PLXNC1: variants seen among roughly 807,000 people sequenced by gnomAD.
PLXNC1 encodes the protein plexin C1.
A neutral mutation model predicts 178.2 loss-of-function variants in PLXNC1; 75 were observed. The observed-to-expected ratio is 0.42, with a 90% CI of 0.35 to 0.51. The LOEUF (loss-of-function observed/expected upper bound fraction) is 0.51, where lower values mean the gene tolerates loss of function less well. Among genes scored for constraint, PLXNC1 ranks in the 20% least tolerant of loss-of-function variants. The probability of loss-of-function intolerance (pLI) is 0.02; values close to 1 mark genes in which losing one functional copy is unlikely to be tolerated. For missense variants in PLXNC1, 1,503 were observed against 1,984.4 expected (o/e 0.76, Z 4.61); for synonymous variants, 790 against 779.9 (o/e 1.01, Z -0.22).
At chr12:94,195,025 G>T (rs568707872) in intron 4 of PLXNC1, among the ~76,000 whole-genome samples, 1 of 152,034 alleles carries the variant, frequency 6.6e-6, no homozygotes, top group Non-Finnish European at 1.5e-5. Context: ...AAGAATCAGC[G>T]CAGTGAGAGG....
Position 94,173,085 on chromosome 12 carries a change from G to A in PLXNC1, c.1203+3792G>A, listed in dbSNP as rs73362802. Among the ~76,000 whole-genome samples the A allele has an allele frequency of 7.9e-3, 1,202 of 152,142 alleles. 11 individuals carry two copies. The highest frequency in any genetic ancestry group is 0.027 in the African/African-American group (1,128 of 41,472). On this transcript the variant is annotated intron_variant, in intron 2 of 30. Coordinates refer to ENST00000258526, the MANE Select transcript of PLXNC1 (RefSeq NM_005761.3). ...TTATTTCCCCATCCTGCTTCTTTTC[G>A]GAACATGATTGCATGCCGGGTTTTT...
chr12:94,284,074 C>T (rs907062627), intron 23 of PLXNC1, among the ~76,000 whole-genome samples: 1 of 138,608 alleles, frequency 7.2e-6, no homozygotes, highest in South Asian at 2.2e-4. Flanking sequence ...CAGAGCAAGA[C>T]TCCATGTCAG....
chr12:94,224,636 G>T (rs537900583), intron 7 of PLXNC1, among the ~76,000 whole-genome samples: 5 of 152,172 alleles, frequency 3.3e-5, no homozygotes, highest in Non-Finnish European at 7.3e-5. Context: ...AGGTGTGGTG[G>T]CTCACATCTG....
chr12:94,226,816 G>C lies in PLXNC1; in HGVS notation c.1893+109G>C, dbSNP rs1008260056. On this transcript the variant is annotated intron_variant, in intron 8 of 30. Coordinates refer to ENST00000258526, the MANE Select transcript of PLXNC1 (RefSeq NM_005761.3). The stretch of plus-strand genomic sequence containing the variant: ...AGGCGGGTGGATCAATTGAGGTCAG[G>C]AGTTCGAGACCAGCCTGACCAACAT... 1.9e-5 allele frequency: 15 copies of C among 788,890 alleles called. No homozygotes were observed. The Middle Eastern group carries it at 1.5e-3, about 76-fold the overall frequency. The allele number at this position is 788,890 out of a possible 1,614,324, so 48.9% of individuals were successfully genotyped here. A position where few individuals can be genotyped will look rare whatever the true frequency, so the allele number is the denominator to read the frequency against.
Position 94,247,947 on chromosome 12 carries a change from C to T in PLXNC1, c.2433C>T (p.Pro811=), listed in dbSNP as rs992775799. ...CVATYCGFLA[P]SLKSSKVRTN... ...CGACTTACTGCGGGTTTTTAGCCCC[C>T]AGTTTAAAGAGTTCAAAAGTGCGCA... Residue 811 remains proline, a synonymous_variant, in exon 13 of 31, where the codon CCC becomes CCT. Coordinates refer to ENST00000258526, the MANE Select transcript of PLXNC1 (RefSeq NM_005761.3). 1 of 1,614,110 alleles carries T rather than the reference C, an allele frequency of 6.2e-7. No individual in the cohort carries two copies. Among genetic ancestry groups the T allele is most frequent in the African/African-American group, 1.3e-5 (1 of 75,022 alleles).
chr12:94,187,084 T>C (rs1592745731), intron 4 of PLXNC1, among the ~76,000 whole-genome samples: 1 of 151,890 alleles, frequency 6.6e-6, no homozygotes, highest in Non-Finnish European at 1.5e-5. Context: ...CCCGGCCTGG[T>C]TGGATTCGCC....
intron 21 of PLXNC1, among the ~76,000 whole-genome samples, chr12:94,274,634 C>T (rs1565847144): frequency 6.6e-6 from 1 of 152,244 alleles, no homozygotes; most frequent in Non-Finnish European, 1.5e-5. Context: ...CATTTCACAG[C>T]TCTTTAGCCT....
At chr12:94,265,050 C>G in intron 20 of PLXNC1, 29 bp from the exon 21 acceptor site, 1 of 1,610,666 alleles carries the variant, frequency 6.2e-7, no homozygotes, top group Non-Finnish European at 8.5e-7. Context: ...CCACAGAAAG[C>G]TAACTGTCAC....
At chr12:94,280,085 AGCCTGCTAGAAAGGTCATCTTCCTCT>A in intron 22 of PLXNC1, 1 of 334,704 alleles carries the variant, frequency 3.0e-6, no homozygotes, top group Non-Finnish European at 5.9e-6. Context: ...TGTTAACTCT[AGCCTGCTAGAAAGGTCATCTTCCTCT>A]GCTAATCACA....
intron 1 of PLXNC1, among the ~76,000 whole-genome samples, chr12:94,163,371 TA>T (rs1040686478): frequency 1.3e-5 from 2 of 151,540 alleles, no homozygotes; most frequent in African/African-American, 4.9e-5. Context: ...ATAATAATAA[TA>T]AAAAAAAGAA....
At chr12:94,166,713 T>C (rs1039249729) in intron 1 of PLXNC1, among the ~76,000 whole-genome samples, 2 of 152,002 alleles carry the variant, frequency 1.3e-5, no homozygotes, top group African/African-American at 4.8e-5. Context: ...AAACGAGTGC[T>C]GGGTGTTCTC....
At chr12:94,184,495 T>C (rs1299766601) in intron 3 of PLXNC1, among the ~76,000 whole-genome samples, 1 of 151,794 alleles carries the variant, frequency 6.6e-6, no homozygotes, top group Non-Finnish European at 1.5e-5. Context: ...TGATCTTGGC[T>C]CACTGCAACC....
rs187088168 is a variant in PLXNC1 at position 94,226,900 on chromosome 12, G to C, written c.1893+193G>C. Among the ~76,000 whole-genome samples, 5 of 152,260 alleles carry C rather than the reference G, an allele frequency of 3.3e-5. No individual in the cohort carries two copies. In the East Asian group the frequency reaches 7.7e-4, roughly 24 times the overall value. ...TAGTGGGGTGTGGTGGCGCATGCCT[G>C]TAATCCCAGCTACTCGGGAGGCTGA... On this transcript the variant is annotated intron_variant, in intron 8 of 30. Transcript: ENST00000258526.
Position 94,149,007 on chromosome 12 carries a change from C to T in PLXNC1, c.36C>T (p.Pro12=), listed in dbSNP as rs1298170682. Residue 12 remains proline, a synonymous_variant, in exon 1 of 31, where the codon CCC becomes CCT. Transcript: ENST00000258526. The part of the protein sequence containing the change: ...EVSRRKAPPR[P]PRPAAPLPLL... ...CCCGGAGGAAGGCGCCGCCGCGCCCCCCGCGCCCCGCAGCGCCACTGCCCC... is the reference window on the plus strand; with the variant it reads ...CCCGGAGGAAGGCGCCGCCGCGCCCTCCGCGCCCCGCAGCGCCACTGCCCC... The T allele has an allele frequency of 1.4e-6, 2 of 1,466,824 alleles. No homozygotes were observed. Among genetic ancestry groups the T allele is most frequent in the Admixed American group, 2.5e-5 (1 of 40,654 alleles). 90.9% of individuals were successfully genotyped at this position (1,466,824 alleles called of 1,614,324 possible).
intron 27 of PLXNC1, among the ~76,000 whole-genome samples, chr12:94,300,450 T>C (rs1417353413): frequency 6.6e-6 from 1 of 151,136 alleles, no homozygotes; most frequent in African/African-American, 2.4e-5. Context: ...AACAGGAGAG[T>C]TGGAATGAGC....
chr12:94,248,620 C>A (rs1344205907), intron 14 of PLXNC1, among the ~76,000 whole-genome samples: 1 of 152,204 alleles, frequency 6.6e-6, no homozygotes, highest in African/African-American at 2.4e-5. Context: ...AACGTCAAAG[C>A]GTTGGACACA....
chr12:94,247,945 C>G lies in PLXNC1; in HGVS notation c.2431C>G (p.Pro811Ala). 6.2e-7 allele frequency: 1 copy of G among 1,614,016 alleles called. No homozygotes were observed. The highest frequency in any genetic ancestry group is 8.5e-7 in the Non-Finnish European group (1 of 1,179,998). Residue 811 changes from proline (P) to alanine (A), a missense_variant, in exon 13 of 31, where the codon CCC becomes GCC. Coordinates refer to ENST00000258526, the MANE Select transcript of PLXNC1 (RefSeq NM_005761.3). The part of the protein sequence containing the change: ...CVATYCGFLA[P>A]SLKSSKVRTN... ...GGCGACTTACTGCGGGTTTTTAGCC[C>G]CCAGTTTAAAGAGTTCAAAAGTGCG...
rs1429505795 is a variant in PLXNC1 at position 94,247,966 on chromosome 12, G to T, written c.2452G>T (p.Val818Leu). ...FLAPSLKSSK[V>L]RTNVTVKLRV... ...AGCCCCCAGTTTAAAGAGTTCAAAA[G>T]TGCGCACGAATGTCACTGTGAAGCT... Residue 818 changes from valine (V) to leucine (L), a missense_variant, in exon 13 of 31, where the codon GTG becomes TTG. This residue lies in a region of PLXNC1 where 639 missense variants were observed against 979.7 expected (regional missense o/e 0.65). Coordinates refer to ENST00000258526, the MANE Select transcript of PLXNC1 (RefSeq NM_005761.3). 6.2e-7 allele frequency: 1 copy of T among 1,614,162 alleles called. No homozygotes were observed. Among genetic ancestry groups the T allele is most frequent in the East Asian group, 2.2e-5 (1 of 44,888 alleles).
chr12:94,184,276 C>T (rs1962431228), intron 3 of PLXNC1, among the ~76,000 whole-genome samples: 1 of 151,364 alleles, frequency 6.6e-6, no homozygotes, highest in Non-Finnish European at 1.5e-5. Flanking sequence ...CGCTACCATG[C>T]CCGGCTAATT....
Sources: allele counts gnomAD v4.1 joint callset (sites outside exome capture counted in the v4.1 genomes callset), GRCh38; gene constraint gnomAD v4.1.1; regional missense constraint gnomAD v4.1.1; transcripts MANE v1.5; gene names NCBI Gene and HGNC (gene_info 2026-07-23, HGNC 2026-07-21).